MOB3B: variants seen among roughly 807,000 people sequenced by gnomAD.
MOB3B encodes the protein MOB kinase activator-like 2B.
MOB3B carries 7 observed loss-of-function variants against 18.7 expected under a neutral mutation model. The ratio of observed to expected loss-of-function variants is 0.37; its 90% CI spans 0.21 to 0.70. MOB3B has a LOEUF of 0.70. Ranked by LOEUF, MOB3B falls within the 30% of genes least tolerant of loss-of-function variation. The probability of loss-of-function intolerance (pLI) is 0.52; values close to 1 mark genes in which losing one functional copy is unlikely to be tolerated. For synonymous variants in MOB3B, 111 were observed against 99.9 expected, an observed-to-expected ratio of 1.11 and a Z score of -0.66; for missense variants, 253 against 281.3, an observed-to-expected ratio of 0.90 and a Z score of 0.72.
intron 1 of MOB3B, chr9:27,524,721 T>A: frequency 6.2e-7 from 1 of 1,613,910 alleles, no homozygotes; most frequent in Non-Finnish European, 8.5e-7. Context: ...GAACCAATGC[T>A]TGGAGGAAGA....
intron 2 of MOB3B, among the ~76,000 whole-genome samples, chr9:27,392,934 A>G (rs1392373234): frequency 6.6e-6 from 1 of 152,244 alleles, no homozygotes; most frequent in Non-Finnish European, 1.5e-5. Context: ...CTATGGATTT[A>G]CAATCTACTA....
intron 1 of MOB3B, among the ~76,000 whole-genome samples, chr9:27,513,680 C>T (rs1820179829): frequency 6.6e-6 from 1 of 152,192 alleles, no homozygotes. Context: ...GTTGACTGCT[C>T]TTCACCCTTC....
chr9:27,452,408 T>C (rs1234901264), intron 2 of MOB3B, among the ~76,000 whole-genome samples: 1 of 152,110 alleles, frequency 6.6e-6, no homozygotes, highest in African/African-American at 2.4e-5. Context: ...AAGTGAGTGA[T>C]TACAGAAGGA....
At chr9:27,469,856 CA>C (rs1298131357) in intron 1 of MOB3B, among the ~76,000 whole-genome samples, 1 of 152,040 alleles carries the variant, frequency 6.6e-6, no homozygotes, top group East Asian at 1.9e-4. Flanking sequence ...GAAGCCAAGG[CA>C]GGAGGATCGC....
chr9:27,498,718 C>T (rs577663822), intron 1 of MOB3B, among the ~76,000 whole-genome samples: 5 of 152,212 alleles, frequency 3.3e-5, no homozygotes, highest in Admixed American at 6.5e-5. Flanking sequence ...GGTGCTGAGG[C>T]ACATGCACCA....
chr9:27,386,985 C>T lies in MOB3B; in HGVS notation c.419-27749G>A, dbSNP rs142074536. On this transcript the variant is annotated intron_variant, in intron 2 of 3. Coordinates refer to ENST00000262244, the MANE Select transcript of MOB3B (RefSeq NM_024761.5). ...ATGCAAATGTTTGTGTTGGCTTCTC[C>T]GTGAACTCTGGAAATAGCAGCAAAA... is the stretch of plus-strand genomic sequence containing the variant. Among the ~76,000 whole-genome samples the T allele has an allele frequency of 1.1e-4, 16 of 152,254 alleles. No individual in the cohort carries two copies. The South Asian group carries it at 1.7e-3, about 16-fold the overall frequency.
chr9:27,365,292 G>C (rs1470041146), intron 2 of MOB3B, among the ~76,000 whole-genome samples: 1 of 151,282 alleles, frequency 6.6e-6, no homozygotes, highest in East Asian at 1.9e-4. Flanking sequence ...GAGGAACACT[G>C]TGATCCAGCC....
chr9:27,344,811 C>A (rs1330785535), intron 3 of MOB3B, among the ~76,000 whole-genome samples: 1 of 152,264 alleles, frequency 6.6e-6, no homozygotes, highest in Non-Finnish European at 1.5e-5. Context: ...GCTGTGAGCA[C>A]TCTGGTCCTT....
intron 2 of MOB3B, among the ~76,000 whole-genome samples, chr9:27,442,290 G>C (rs1822606311): frequency 1.3e-5 from 2 of 152,200 alleles, no homozygotes; most frequent in Non-Finnish European, 2.9e-5. Context: ...GAGGAGCACT[G>C]ACTGTTGTTC....
In MOB3B at chr9:27,329,650, T is replaced by A. The variant is rs145584801; in HGVS notation, c.*937A>T. On this transcript the variant is annotated 3_prime_UTR_variant, in exon 4 of 4. Transcript: ENST00000262244. The stretch of plus-strand genomic sequence containing the variant: ...TGTACTTTTTTCACTGAAATGTTAG[T>A]ATTATGTAGAGACAGCCACGACTCC... The A allele has an allele frequency of 8.5e-5, 13 of 152,660 alleles. No individual in the cohort carries two copies. Among genetic ancestry groups the A allele is most frequent in the African/African-American group, 3.1e-4 (13 of 41,526 alleles). The allele number at this position is 152,660 out of a possible 1,614,324, so 9.5% of individuals were successfully genotyped here. A position where few individuals can be genotyped will look rare whatever the true frequency, so the allele number is the denominator to read the frequency against.
chr9:27,394,017 C>T (rs1329632599), intron 2 of MOB3B: 1 of 152,180 alleles, frequency 6.6e-6, no homozygotes, highest in East Asian at 1.9e-4. Context: ...TATTCTAACT[C>T]TGTGAAGGTA....
intron 1 of MOB3B, 63 bp from the exon 2 acceptor site, chr9:27,455,811 T>A: frequency 7.4e-7 from 1 of 1,355,798 alleles, no homozygotes; most frequent in South Asian, 1.6e-5. Context: ...AATGACAGTC[T>A]TCAACCTGAT....
intron 1 of MOB3B, among the ~76,000 whole-genome samples, chr9:27,499,110 A>G (rs976549622): frequency 3.3e-5 from 5 of 152,222 alleles, no homozygotes; most frequent in African/African-American, 1.2e-4. Context: ...TCCTAAAATC[A>G]TTTTGGGTCT....
rs1224350203 is a variant in MOB3B, at chr9:27,327,348, C to A, written c.*3239G>T. 2 of 151,990 alleles carry A rather than the reference C, an allele frequency of 1.3e-5. No homozygotes were observed. The highest frequency in any genetic ancestry group is 3.9e-4 in the East Asian group (2 of 5,186). 9.4% of individuals were successfully genotyped at this position (151,990 alleles called of 1,614,324 possible). A position where few individuals can be genotyped will look rare whatever the true frequency, so the allele number is the denominator to read the frequency against. On this transcript the variant is annotated 3_prime_UTR_variant, in exon 4 of 4. Transcript: ENST00000262244. ...GACAACACCTGATCAGTCCTAATAT[C>A]AGAAAAGAGACAAGTAGACATTATG...
intron 2 of MOB3B, chr9:27,394,061 C>T: frequency 6.6e-6 from 1 of 152,118 alleles, no homozygotes; most frequent in East Asian, 1.9e-4. Flanking sequence ...ACTCATTAAT[C>T]AATCCCTACA....
intron 2 of MOB3B, among the ~76,000 whole-genome samples, chr9:27,375,152 TAGA>T (rs1469437535): frequency 6.6e-6 from 1 of 152,244 alleles, no homozygotes; most frequent in African/African-American, 2.4e-5. Flanking sequence ...CTTGGTTGCA[TAGA>T]AGATGTCTTT....
chr9:27,487,437 G>A (rs1819746218), intron 1 of MOB3B, among the ~76,000 whole-genome samples: 2 of 151,984 alleles, frequency 1.3e-5, no homozygotes, highest in African/African-American at 4.8e-5. Context: ...TATAAAATTG[G>A]GGTTTTCTAA....
chr9:27,512,772 C>G (rs550303139), intron 1 of MOB3B, among the ~76,000 whole-genome samples: 2 of 152,146 alleles, frequency 1.3e-5, no homozygotes, highest in Non-Finnish European at 2.9e-5. Flanking sequence ...ATTAGGATCA[C>G]TTTTTTTCAC....
rs60758983 is a variant in MOB3B, at chr9:27,328,063, T to TA, written c.*2523dup. On this transcript the variant is annotated 3_prime_UTR_variant, in exon 4 of 4. Coordinates refer to ENST00000262244, the MANE Select transcript of MOB3B (RefSeq NM_024761.5). ...TAAAATAGGGAGAGACCCCTTCTCT[T>TA]AAAAAAAAAAAAGGAAGAAAAGAAA... The TA allele has an allele frequency of 0.17, 24,428 of 142,354 alleles. 1,987 individuals are homozygous for TA. Among genetic ancestry groups the TA allele is most frequent in the African/African-American group, 0.2 (7,662 of 38,682 alleles). The allele number at this position is 142,354 out of a possible 1,614,324, so 8.8% of individuals were successfully genotyped here.
Sources: allele counts gnomAD v4.1 joint callset (sites outside exome capture counted in the v4.1 genomes callset), GRCh38; gene constraint gnomAD v4.1.1; transcripts MANE v1.5; gene names NCBI Gene and HGNC (gene_info 2026-07-23, HGNC 2026-07-21).